ARFGAP3: variants seen among roughly 807,000 people sequenced by gnomAD.
ARFGAP3 encodes the protein ADP-ribosylation factor GTPase-activating protein 3.
In ARFGAP3, 72 loss-of-function variants were observed where a neutral mutation model predicts 75.0. The observed-to-expected ratio is 0.96, with a 90% CI of 0.79 to 1.17. The LOEUF is 1.17. Among genes scored for constraint, ARFGAP3 ranks in the 50% most tolerant of loss-of-function variants. The probability of loss-of-function intolerance (pLI) is 0.00; values close to 1 mark genes in which losing one functional copy is unlikely to be tolerated. For synonymous variants in ARFGAP3, 221 were observed against 217.9 expected, an observed-to-expected ratio of 1.01 and a Z score of -0.13; for missense variants, 620 against 626.6, an observed-to-expected ratio of 0.99 and a Z score of 0.11.
chr22:42,831,634 C>A lies in ARFGAP3; in HGVS notation c.480G>T (p.Val160=). ...TTGCTGATGCCCACGCTGTGTCACT[C>A]ACCTGAAACAAGGCGAGAAAAGTCA... ...DFFASHVSPE[V]SDTAWASAIA... Residue 160 remains valine, a splice_region_variant and synonymous_variant, in exon 6 of 16, where the codon GTG becomes GTT. Coordinates refer to ENST00000263245, the MANE Select transcript of ARFGAP3 (RefSeq NM_014570.5). 6.2e-7 allele frequency: 1 copy of A among 1,613,964 alleles called. No individual in the cohort carries two copies. Among genetic ancestry groups the A allele is most frequent in the South Asian group, 1.1e-5 (1 of 91,062 alleles).
chr22:42,837,601 T>A (rs1281326061), intron 3 of ARFGAP3, among the ~76,000 whole-genome samples: 1 of 108,798 alleles, frequency 9.2e-6, no homozygotes, highest in African/African-American at 3.7e-5. Flanking sequence ...GCCTAGGCAA[T>A]AGGAGTGAGA....
At chr22:42,806,989 T>C in intron 14 of ARFGAP3, 84 bp downstream of exon 14, 1 of 1,319,714 alleles carries the variant, frequency 7.6e-7, no homozygotes, top group Non-Finnish European at 1.0e-6. Context: ...TAAAATATCT[T>C]GGAAAAGGAA....
At chr22:42,830,593 C>A (rs5758965) in intron 6 of ARFGAP3, among the ~76,000 whole-genome samples, 59,095 of 152,016 alleles carry the variant, frequency 0.39, 12,230 homozygotes, top group Non-Finnish European at 0.46. Flanking sequence ...CACTAACATT[C>A]TGGCCTAACA....
chr22:42,833,674 T>C (rs996155686), intron 5 of ARFGAP3, among the ~76,000 whole-genome samples: 3 of 152,210 alleles, frequency 2.0e-5, no homozygotes, highest in African/African-American at 4.8e-5. Flanking sequence ...GAGAATCGCT[T>C]GAACCCAGGA....
At chr22:42,836,255 C>T (rs754118173) in intron 3 of ARFGAP3, among the ~76,000 whole-genome samples, 23 of 152,048 alleles carry the variant, frequency 1.5e-4, no homozygotes, top group African/African-American at 4.3e-4. Flanking sequence ...GGATTACAGG[C>T]GTGAGCCACC....
chr22:42,836,812 C>T (rs9607961), intron 3 of ARFGAP3, among the ~76,000 whole-genome samples: 55,773 of 151,994 alleles, frequency 0.37, 11,101 homozygotes, highest in Non-Finnish European at 0.45. Context: ...ATCAGACAGT[C>T]ACTACTGCTG....
At position 42,844,578 on chromosome 22, in the gene ARFGAP3, CTG is replaced by C. The variant is rs1300514788; in HGVS notation, c.188+2934_188+2935del. Among the ~76,000 whole-genome samples the C allele has an allele frequency of 5.1e-5, 7 of 138,482 alleles. No homozygotes were observed. In the East Asian group the frequency reaches 1.5e-3, roughly 29 times the overall value. The allele number at this position is 138,482 out of a possible 152,430, so 90.8% of individuals were successfully genotyped here. A position where few individuals can be genotyped will look rare whatever the true frequency, so the allele number is the denominator to read the frequency against. ...CCAGCCGAGGGGATAGAGTGAGACT[CTG>C]TCTCAAAGGAAAAAAAAAAAAAAAA... On this transcript the variant is annotated intron_variant, in intron 2 of 15. Transcript: ENST00000263245.
Position 42,857,102 on chromosome 22 carries a change from C to T in ARFGAP3, c.69+12G>A, listed in dbSNP as rs1927540245. On this transcript the variant is annotated intron_variant, in intron 1 of 15. Coordinates refer to ENST00000263245, the MANE Select transcript of ARFGAP3 (RefSeq NM_014570.5). ...GATGCCAGGCAGGCCCGCACTCGCC[C>T]GCGGCCGCTACCTTGTTAGTGGGCA... 1 of 1,505,388 alleles carries T rather than the reference C, an allele frequency of 6.6e-7. No homozygotes were observed. Among genetic ancestry groups the T allele is most frequent in the Non-Finnish European group, 8.9e-7 (1 of 1,125,636 alleles). 93.3% of individuals were successfully genotyped at this position (1,505,388 alleles called of 1,614,324 possible).
In ARFGAP3 at chr22:42,826,928, T is replaced by A. The variant is rs1457533534; in HGVS notation, c.625+12A>T. 2 of 1,610,078 alleles carry A rather than the reference T, an allele frequency of 1.2e-6. No individual in the cohort carries two copies. Among genetic ancestry groups the A allele is most frequent in the Non-Finnish European group, 1.7e-6 (2 of 1,177,960 alleles). On this transcript the variant is annotated intron_variant, in intron 7 of 15. Coordinates refer to ENST00000263245, the MANE Select transcript of ARFGAP3 (RefSeq NM_014570.5). Reference sequence around the variant, plus strand: ...CACTTTAAATCAGAATGTAGGATTTTAAGCATATTACCTAAAGTAGCCTTT... The same window carrying A: ...CACTTTAAATCAGAATGTAGGATTTAAAGCATATTACCTAAAGTAGCCTTT...
At chr22:42,825,725 T>C (rs984112886) in intron 7 of ARFGAP3, among the ~76,000 whole-genome samples, 21 of 152,082 alleles carry the variant, frequency 1.4e-4, no homozygotes, top group Admixed American at 4.6e-4. Context: ...TTCTCTTATT[T>C]TAATAACAAT....
intron 3 of ARFGAP3, among the ~76,000 whole-genome samples, chr22:42,836,039 G>A (rs1334875318): frequency 2.1e-5 from 3 of 144,928 alleles, no homozygotes; most frequent in African/African-American, 7.7e-5. Flanking sequence ...CTGCAATGCA[G>A]TGGCTCCATC....
At chr22:42,837,270 T>C (rs1051967839) in intron 3 of ARFGAP3, among the ~76,000 whole-genome samples, 1 of 152,090 alleles carries the variant, frequency 6.6e-6, no homozygotes, top group East Asian at 1.9e-4. Context: ...GAGACCAACC[T>C]GGGAACCAAA....
intron 9 of ARFGAP3, among the ~76,000 whole-genome samples, chr22:42,821,499 G>C (rs951799753): frequency 6.6e-6 from 1 of 152,136 alleles, no homozygotes; most frequent in African/African-American, 2.4e-5. Context: ...TTTATGACTG[G>C]CTTCTTTCTT....
chr22:42,847,993 T>C (rs1266058641), intron 1 of ARFGAP3, among the ~76,000 whole-genome samples: 2 of 150,710 alleles, frequency 1.3e-5, no homozygotes, highest in African/African-American at 4.9e-5. Context: ...GCCTCCGGAG[T>C]AGCTGGGACT....
At chr22:42,840,290 T>C (rs1926722130) in intron 3 of ARFGAP3, among the ~76,000 whole-genome samples, 1 of 152,132 alleles carries the variant, frequency 6.6e-6, no homozygotes, top group Non-Finnish European at 1.5e-5. Context: ...ACGCTTCCTG[T>C]TTATTAGGTG....
In ARFGAP3 at chr22:42,822,370, C is replaced by A. The variant is rs754997063; in HGVS notation, c.712G>T (p.Ala238Ser). ...KKGSLGAQKLANTCFNEIEKQ... is the reference protein window; with the variant it reads ...KKGSLGAQKLSNTCFNEIEKQ... Reference sequence around the variant, plus strand: ...TCAATTTCATTAAAGCATGTGTTTGCCAGTTTCTGAGCTCCCAAACTTCCT... The same window carrying A: ...TCAATTTCATTAAAGCATGTGTTTGACAGTTTCTGAGCTCCCAAACTTCCT... The change falls in exon 9 of 16, where the codon GCA (alanine) becomes TCA (serine). Residue 238 changes from alanine to serine, a missense_variant. Coordinates refer to ENST00000263245, the MANE Select transcript of ARFGAP3 (RefSeq NM_014570.5). 3.1e-6 allele frequency: 5 copies of A among 1,614,098 alleles called. No individual in the cohort carries two copies. Among genetic ancestry groups the A allele is most frequent in the Non-Finnish European group, 4.2e-6 (5 of 1,180,014 alleles).
chr22:42,820,846 C>A (rs184923081), intron 9 of ARFGAP3, among the ~76,000 whole-genome samples: 1 of 152,166 alleles, frequency 6.6e-6, no homozygotes, highest in Non-Finnish European at 1.5e-5. Flanking sequence ...CAAAAGTCTA[C>A]GGAAAACCGA....
At chr22:42,817,594 A>C in intron 10 of ARFGAP3, 135 bp downstream of exon 10, 1 of 859,832 alleles carries the variant, frequency 1.2e-6, no homozygotes, top group Non-Finnish European at 1.8e-6. Context: ...ACCAGAGCAA[A>C]GCAAAAATAA....
In ARFGAP3 at chr22:42,820,846, C is replaced by T. The variant is rs184923081; in HGVS notation, c.812+1424G>A. ...CTCTCAAGAGCCTTACAAAAGTCTA[C>T]GGAAAACCGATCTCTTCACTGGCCT... is the stretch of plus-strand genomic sequence containing the variant. On this transcript the variant is annotated intron_variant, in intron 9 of 15. Transcript: ENST00000263245. Among the ~76,000 whole-genome samples the T allele has an allele frequency of 5.7e-4, 87 of 152,284 alleles. 1 individual carries two copies. Among genetic ancestry groups the T allele is most frequent in the African/African-American group, 1.2e-4 (5 of 41,558 alleles).
Sources: allele counts gnomAD v4.1 joint callset (sites outside exome capture counted in the v4.1 genomes callset), GRCh38; gene constraint gnomAD v4.1.1; transcripts MANE v1.5; gene names NCBI Gene and HGNC (gene_info 2026-07-23, HGNC 2026-07-21).